The following LAMB1 variants were observed in gnomAD, a reference collection of about 807,000 sequenced individuals.
The protein encoded by LAMB1 is laminin subunit beta 1.
Under a neutral mutation model 222.3 loss-of-function variants are expected in LAMB1, and 121 were observed. The observed-to-expected ratio is 0.54, with a 90% CI of 0.47 to 0.63. The LOEUF (loss-of-function observed/expected upper bound fraction) is 0.63, where lower values mean the gene tolerates loss of function less well. Ranked by LOEUF, LAMB1 falls within the 30% of genes least tolerant of loss-of-function variation. The probability of loss-of-function intolerance (pLI) is 0.00; values close to 1 mark genes in which losing one functional copy is unlikely to be tolerated. For synonymous variants in LAMB1, 794 were observed against 807.2 expected (o/e 0.98, Z 0.28); for missense variants, 2,172 against 2,240.8 (o/e 0.97, Z 0.62).
At chr7:107,998,078 C>T (rs553952777) in intron 4 of LAMB1, among the ~76,000 whole-genome samples, 6 of 152,194 alleles carry the variant, frequency 3.9e-5, no homozygotes, top group Admixed American at 3.9e-4. Context: ...AGACAGCCCC[C>T]GGCACACAAG....
At chr7:107,961,427 A>G (rs1277205325) in intron 16 of LAMB1, 98 bp from the exon 17 acceptor site, 1 of 1,573,086 alleles carries the variant, frequency 6.4e-7, no homozygotes, top group Non-Finnish European at 8.6e-7. Context: ...ATAATTCCAA[A>G]GGAAAAAAGT....
chr7:107,929,372 T>C, intron 30 of LAMB1, 40 bp downstream of exon 30: 1 of 1,566,200 alleles, frequency 6.4e-7, no homozygotes, highest in Non-Finnish European at 8.8e-7. Context: ...CCATGATAGA[T>C]ACACAAAATA....
chr7:107,961,083 G>C, intron 17 of LAMB1, 123 bp downstream of exon 17: 1 of 1,071,264 alleles, frequency 9.3e-7, no homozygotes, highest in Non-Finnish European at 1.4e-6. Context: ...AACCGTGGAG[G>C]CAAGAAAGAA....
intron 24 of LAMB1, among the ~76,000 whole-genome samples, chr7:107,946,824 A>G (rs1458751289): frequency 6.6e-6 from 1 of 152,216 alleles, no homozygotes; most frequent in Admixed American, 6.5e-5. Flanking sequence ...GCAAAAGAAC[A>G]CACTGTGTTT....
chr7:107,991,588 CA>C (rs985284673), intron 5 of LAMB1, among the ~76,000 whole-genome samples: 1,232 of 119,382 alleles, frequency 0.01, 4 homozygotes, highest in African/African-American at 0.026. Context: ...ACTCCATCCT[CA>C]AAAAAAAAAA....
At position 107,962,254 on chromosome 7, in the gene LAMB1, C is replaced by T. The variant is rs192984473; in HGVS notation, c.1858-578G>A. 1.8e-4 allele frequency among the ~76,000 whole-genome samples: 27 copies of T among 152,316 alleles called. No homozygotes were observed. In the East Asian group the frequency reaches 4.3e-3, roughly 24 times the overall value. On this transcript the variant is annotated intron_variant, in intron 15 of 33. Coordinates refer to ENST00000222399, the MANE Select transcript of LAMB1 (RefSeq NM_002291.3). ...ATCATGCATCTCTCTGCTGTTACAC[C>T]GTCACCTTCAGTCTTTCGTTACAGT...
intron 5 of LAMB1, among the ~76,000 whole-genome samples, chr7:107,993,101 G>A (rs1307186761): frequency 6.6e-6 from 1 of 152,140 alleles, no homozygotes; most frequent in Non-Finnish European, 1.5e-5. Context: ...CCCGAAGGAT[G>A]AGTTGTTTTC....
intron 5 of LAMB1, among the ~76,000 whole-genome samples, chr7:107,990,247 C>G (rs2034157334): frequency 1.3e-5 from 2 of 152,062 alleles, no homozygotes; most frequent in African/African-American, 4.8e-5. Flanking sequence ...CTATGCTGTC[C>G]AGGCTGGTCT....
At chr7:107,931,536 T>C in intron 28 of LAMB1, 36 bp from the exon 29 acceptor site, 1 of 1,594,538 alleles carries the variant, frequency 6.3e-7, no homozygotes, top group Non-Finnish European at 8.6e-7. Context: ...GGGAAGACTT[T>C]CATTCTTTCT....
chr7:107,964,936 G>T (rs139627037), intron 13 of LAMB1, among the ~76,000 whole-genome samples: 1 of 152,176 alleles, frequency 6.6e-6, no homozygotes, highest in African/African-American at 2.4e-5. Context: ...CACGCCGTCC[G>T]CATCACATGA....
intron 13 of LAMB1, among the ~76,000 whole-genome samples, chr7:107,972,690 T>C (rs1270025220): frequency 6.6e-6 from 1 of 152,140 alleles, no homozygotes; most frequent in East Asian, 1.9e-4. Context: ...AAATGGTTGA[T>C]GATACCAACT....
chr7:108,001,984 TC>T, intron 2 of LAMB1: 1 of 1,444,956 alleles, frequency 6.9e-7, no homozygotes, highest in Non-Finnish European at 9.1e-7. Context: ...AGAGCCTCCC[TC>T]CCGGGAAACC....
At chr7:107,959,522 T>C in intron 19 of LAMB1, 42 bp from the exon 20 acceptor site, 1 of 1,610,420 alleles carries the variant, frequency 6.2e-7, no homozygotes, top group Non-Finnish European at 8.5e-7. Flanking sequence ...GAGAAACTCA[T>C]TCAATGGAAA....
chr7:107,986,304 A>C lies in LAMB1; in HGVS notation c.483T>G (p.Gly161=). ...ERSSDFGKTW[G]VYRYFAYDCE... ...AGTCATAGGCGAAGTATCTATACAC[A>C]CCCCAGGTTTTCCCAAAGTCGGACG... The change falls in exon 6 of 34, where the codon GGT becomes GGG. Residue 161 remains glycine, a synonymous_variant. Coordinates refer to ENST00000222399, the MANE Select transcript of LAMB1 (RefSeq NM_002291.3). 1 of 1,611,932 alleles carries C rather than the reference A, an allele frequency of 6.2e-7. No homozygotes were observed. The highest frequency in any genetic ancestry group is 8.5e-7 in the Non-Finnish European group (1 of 1,178,312).
At chr7:107,969,013 G>A (rs1053377226) in intron 13 of LAMB1, among the ~76,000 whole-genome samples, 4 of 152,190 alleles carry the variant, frequency 2.6e-5, no homozygotes, top group Non-Finnish European at 5.9e-5. Context: ...TTATGGCTGG[G>A]TGTGGTGGCT....
chr7:107,947,368 CAT>C (rs1164123905), intron 24 of LAMB1, among the ~76,000 whole-genome samples: 2 of 152,174 alleles, frequency 1.3e-5, no homozygotes, highest in Non-Finnish European at 2.9e-5. Context: ...CAACTGAAAA[CAT>C]ATTTGTCAAG....
chr7:107,924,733 A>G (rs1283699331), intron 32 of LAMB1, among the ~76,000 whole-genome samples: 1 of 152,204 alleles, frequency 6.6e-6, no homozygotes, highest in Non-Finnish European at 1.5e-5. Flanking sequence ...AGAGAAGCCC[A>G]TATTGAAGAA....
chr7:107,955,299 T>C (rs1382365805), intron 21 of LAMB1, among the ~76,000 whole-genome samples, 168 bp downstream of exon 21: 2 of 152,238 alleles, frequency 1.3e-5, no homozygotes, highest in Non-Finnish European at 2.9e-5. Context: ...ATGAATTGAC[T>C]CCACTCCATG....
chr7:107,960,959 G>C, intron 17 of LAMB1, among the ~76,000 whole-genome samples: 1 of 152,140 alleles, frequency 6.6e-6, no homozygotes. Context: ...ATCCCAAAGT[G>C]TTGGGATTAC....
Sources: gnomAD v4.1 joint callset for allele counts (sites outside exome capture counted in the v4.1 genomes callset) on GRCh38, gnomAD v4.1.1 for gene constraint, MANE v1.5 for transcripts, NCBI Gene and HGNC (gene_info 2026-07-23, HGNC 2026-07-21) for gene names.